Variants in RAB10 observed in about 807,000 individuals in gnomAD.
RAB10 encodes the protein ras-related protein Rab-10.
Under a neutral mutation model 25.7 loss-of-function variants are expected in RAB10, and 5 were observed. That is an observed-to-expected ratio of 0.19 (90% CI 0.10 to 0.41). The LOEUF (loss-of-function observed/expected upper bound fraction) is 0.41, where lower values mean the gene tolerates loss of function less well. RAB10 is among the 10% of genes least tolerant of loss of function. The pLI is 1.00. For synonymous variants in RAB10, 89 were observed against 86.4 expected (o/e 1.03, Z -0.16); for missense variants, 103 against 245.8 (o/e 0.42, Z 3.89).
intron 1 of RAB10, among the ~76,000 whole-genome samples, chr2:26,082,716 C>T (rs539332940): frequency 2.0e-4 from 31 of 152,146 alleles, no homozygotes; most frequent in African/African-American, 7.5e-4. Flanking sequence ...TAAACTCTTC[C>T]AATAAATGCA....
At chr2:26,116,866 TC>T (rs1349729422) in intron 3 of RAB10, among the ~76,000 whole-genome samples, 2 of 151,678 alleles carry the variant, frequency 1.3e-5, no homozygotes, top group Non-Finnish European at 2.9e-5. Flanking sequence ...TTTTTTTTTT[TC>T]TTTTTCTTTT....
At chr2:26,095,636 C>T (rs917041912) in intron 1 of RAB10, among the ~76,000 whole-genome samples, 2 of 150,690 alleles carry the variant, frequency 1.3e-5, no homozygotes, top group Non-Finnish European at 3.0e-5. Context: ...TCAGGTTGGA[C>T]GCAGTGGCTC....
intron 1 of RAB10, among the ~76,000 whole-genome samples, chr2:26,055,540 A>G (rs1666242366): frequency 1.3e-5 from 2 of 151,978 alleles, no homozygotes; most frequent in East Asian, 3.9e-4. Context: ...GGTGCACACC[A>G]CTGCGCCCAG....
intron 5 of RAB10, among the ~76,000 whole-genome samples, chr2:26,131,030 CT>C (rs36069349): frequency 2.1e-3 from 235 of 110,250 alleles, no homozygotes; most frequent in Middle Eastern, 5.6e-3. Context: ...TCAGTCTTGG[CT>C]TTTTTTTTTT....
In RAB10 at chr2:26,044,995, G is replaced by GTT. The variant is rs80128722; in HGVS notation, c.127+10271_127+10272dup. ...GTAGAGTTGCTGTGGTTTTGTTTTT[G>GTT]TTTTTTTTTTTTGGAGGGGCACGAA... On this transcript the variant is annotated intron_variant, in intron 1 of 5. Transcript: ENST00000264710. Among the ~76,000 whole-genome samples the GTT allele has an allele frequency of 4.6e-4, 63 of 136,692 alleles. 2 individuals are homozygous for GTT. The South Asian group carries it at 0.014, about 30-fold the overall frequency. The allele number at this position is 136,692 out of a possible 152,430, so 89.7% of individuals were successfully genotyped here. A position where few individuals can be genotyped will look rare whatever the true frequency, so the allele number is the denominator to read the frequency against.
intron 1 of RAB10, among the ~76,000 whole-genome samples, chr2:26,067,149 T>C (rs1666532055): frequency 6.6e-6 from 1 of 152,122 alleles, no homozygotes. Context: ...ACTCCTGGGC[T>C]CAAGTGATCC....
Position 26,135,849 on chromosome 2 carries a change from A to T in RAB10, c.*828A>T, listed in dbSNP as rs1668100917. On this transcript the variant is annotated 3_prime_UTR_variant, in exon 6 of 6. Coordinates refer to ENST00000264710, the MANE Select transcript of RAB10 (RefSeq NM_016131.5). ...CCACCTCATGGTATATTTAAGAGTG[A>T]AAGGGACAAACTAGTAGGTTTGTCA... 6.6e-6 allele frequency: 1 copy of T among 152,634 alleles called. No individual in the cohort carries two copies. The highest frequency in any genetic ancestry group is 6.5e-5 in the Admixed American group (1 of 15,284). The allele number at this position is 152,634 out of a possible 1,614,324, so 9.5% of individuals were successfully genotyped here.
At chr2:26,070,529 C>T (rs1666603012) in intron 1 of RAB10, among the ~76,000 whole-genome samples, 1 of 152,052 alleles carries the variant, frequency 6.6e-6, no homozygotes, top group African/African-American at 2.4e-5. Context: ...TTCTTGTGAA[C>T]CTTGTACAAT....
At chr2:26,127,581 A>T (rs142214447) in intron 4 of RAB10, among the ~76,000 whole-genome samples, 2 of 152,234 alleles carry the variant, frequency 1.3e-5, no homozygotes, top group African/African-American at 4.8e-5. Context: ...AGCAGAAATT[A>T]GACCCTGAGG....
chr2:26,074,369 C>T (rs1559585204), intron 1 of RAB10, among the ~76,000 whole-genome samples: 1 of 151,930 alleles, frequency 6.6e-6, no homozygotes, highest in African/African-American at 2.4e-5. Flanking sequence ...GAATTGAGGG[C>T]CTAGAAACGG....
intron 2 of RAB10, chr2:26,101,474 A>AAGATAG (rs1667337837): frequency 2.0e-5 from 3 of 152,240 alleles, no homozygotes; most frequent in Admixed American, 6.5e-5. Context: ...TGAAGATAGT[A>AAGATAG]TTAAAGGTGA....
chr2:26,098,518 G>T, intron 1 of RAB10, 144 bp from the exon 2 acceptor site: 2 of 633,728 alleles, frequency 3.2e-6, no homozygotes, highest in South Asian at 3.6e-5. Context: ...GGATACATTT[G>T]CTCAGTGTTG....
chr2:26,043,298 T>C (rs1299468491), intron 1 of RAB10, among the ~76,000 whole-genome samples: 3 of 152,142 alleles, frequency 2.0e-5, no homozygotes, highest in East Asian at 3.8e-4. Flanking sequence ...GGCGCATGCC[T>C]GTAGTACCAG....
intron 1 of RAB10, among the ~76,000 whole-genome samples, chr2:26,070,685 C>G (rs1003828194): frequency 1.3e-5 from 2 of 152,072 alleles, no homozygotes; most frequent in Non-Finnish European, 2.9e-5. Context: ...ATTATAGAAA[C>G]ATTTGGATTT....
chr2:26,061,563 T>C (rs184564215), intron 1 of RAB10, among the ~76,000 whole-genome samples: 1 of 151,824 alleles, frequency 6.6e-6, no homozygotes, highest in African/African-American at 2.4e-5. Context: ...AAAAAAAATT[T>C]TTTTTTTGGT....
chr2:26,056,982 C>T (rs982530616), intron 1 of RAB10, among the ~76,000 whole-genome samples: 2 of 152,156 alleles, frequency 1.3e-5, no homozygotes, highest in African/African-American at 4.8e-5. Context: ...TTGTACTTTG[C>T]TATATAGAGG....
Position 26,050,383 on chromosome 2 carries a change from A to G in RAB10, c.127+15648A>G, listed in dbSNP as rs189958924. Among the ~76,000 whole-genome samples the G allele has an allele frequency of 3.3e-5, 5 of 152,288 alleles. No individual in the cohort carries two copies. The South Asian group carries it at 8.3e-4, about 25-fold the overall frequency. ...ATTTGTAGGATAATTATTTATTTAT[A>G]GTAGCCTAGTTTATCTTTGGAAGAT... On this transcript the variant is annotated intron_variant, in intron 1 of 5. Transcript: ENST00000264710.
At chr2:26,074,575 C>A (rs1293873469) in intron 1 of RAB10, among the ~76,000 whole-genome samples, 1 of 152,154 alleles carries the variant, frequency 6.6e-6, no homozygotes, top group Non-Finnish European at 1.5e-5. Context: ...TCTGCCACCA[C>A]GCCCAGCTAA....
At chr2:26,081,571 A>C (rs1666870435) in intron 1 of RAB10, among the ~76,000 whole-genome samples, 1 of 152,160 alleles carries the variant, frequency 6.6e-6, no homozygotes, top group South Asian at 2.1e-4. Flanking sequence ...AAATCTGGCG[A>C]ATTAGGTTTG....
Sources: allele counts gnomAD v4.1 joint callset (sites outside exome capture counted in the v4.1 genomes callset), GRCh38; gene constraint gnomAD v4.1.1; transcripts MANE v1.5; gene names NCBI Gene and HGNC (gene_info 2026-07-23, HGNC 2026-07-21).